SYNPR: variants seen among roughly 807,000 people sequenced by gnomAD.
SYNPR encodes synaptoporin.
A neutral mutation model predicts 32.9 loss-of-function variants in SYNPR; 23 were observed. That is an observed-to-expected ratio of 0.70 (90% CI 0.50 to 0.99). The LOEUF is 0.99. Ranked by LOEUF, SYNPR falls within the 50% of genes least tolerant of loss-of-function variation. SYNPR has a pLI of 0.00. For missense variants in SYNPR, 318 were observed against 349.3 expected (o/e 0.91, Z 0.71); for synonymous variants, 146 against 135.9 (o/e 1.07, Z -0.52).
chr3:63,455,432 A>G (rs549347586), intron 2 of SYNPR, among the ~76,000 whole-genome samples: 91 of 152,230 alleles, frequency 6.0e-4, no homozygotes, highest in Non-Finnish European at 8.1e-4. Context: ...GACATTTTAA[A>G]CTATCATAAT....
chr3:63,387,846 C>T (rs1045251056), intron 2 of SYNPR, among the ~76,000 whole-genome samples: 9 of 152,100 alleles, frequency 5.9e-5, no homozygotes, highest in Admixed American at 3.3e-4. Flanking sequence ...CTACTGAGAC[C>T]GACTGCTATG....
In SYNPR at chr3:63,510,131, A is replaced by T. The variant is rs1200664248; in HGVS notation, c.209+29175A>T. Among the ~76,000 whole-genome samples, 3 of 152,238 alleles carry T rather than the reference A, an allele frequency of 2.0e-5. No individual in the cohort carries two copies. In the East Asian group the frequency reaches 5.8e-4, roughly 29 times the overall value. ...AGGAACAAAAATAAATAAGGGGGGA[A>T]CAAAAATTACCTTAATTTGAAAGGA... is the stretch of plus-strand genomic sequence containing the variant. On this transcript the variant is annotated intron_variant, in intron 3 of 5. Coordinates refer to ENST00000478300, the MANE Select transcript of SYNPR (RefSeq NM_001130003.2).
At chr3:63,333,930 T>A (rs1458046046) in intron 2 of SYNPR, among the ~76,000 whole-genome samples, 2 of 152,226 alleles carry the variant, frequency 1.3e-5, no homozygotes, top group East Asian at 3.8e-4. Flanking sequence ...TAAGAGAGTT[T>A]CTAAACAAAC....
At chr3:63,202,110 T>A in the SYNPR span, among the ~76,000 whole-genome samples, 1 of 152,170 alleles carries the variant, frequency 6.6e-6, no homozygotes, top group Non-Finnish European at 1.5e-5. Flanking sequence ...CTGATCTCCT[T>A]CCAGCTGTGT....
At chr3:63,230,289 G>C (rs1477523507) in intron 1 of SYNPR, among the ~76,000 whole-genome samples, 1 of 152,116 alleles carries the variant, frequency 6.6e-6, no homozygotes, top group Non-Finnish European at 1.5e-5. Context: ...TTAGATATTT[G>C]CTATTTATTC....
At chr3:63,243,512 A>G (rs1413247096) in intron 1 of SYNPR, among the ~76,000 whole-genome samples, 2 of 152,082 alleles carry the variant, frequency 1.3e-5, no homozygotes, top group African/African-American at 4.8e-5. Context: ...GATATAGAAC[A>G]ATGGGAAAAA....
intron 2 of SYNPR, among the ~76,000 whole-genome samples, chr3:63,473,402 T>A (rs1487852259): frequency 6.6e-6 from 1 of 152,160 alleles, no homozygotes; most frequent in Non-Finnish European, 1.5e-5. Flanking sequence ...ATTGATTGAT[T>A]GATTGATTGT....
At position 63,284,029 on chromosome 3, in the gene SYNPR, C is replaced by T. The variant is rs187747073; in HGVS notation, c.84+5287C>T. On this transcript the variant is annotated intron_variant, in intron 2 of 5. Transcript: ENST00000478300. The stretch of plus-strand genomic sequence containing the variant: ...TTCACCGTGTTAGCCAGGATGGTCT[C>T]GATCTCCTGACCTCGTGATCTGCCG... Among the ~76,000 whole-genome samples the T allele has an allele frequency of 2.6e-3, 397 of 152,070 alleles. 1 individual carries two copies. Among genetic ancestry groups the T allele is most frequent in the African/African-American group, 8.8e-3 (366 of 41,496 alleles).
At chr3:63,453,524 G>A (rs1310563308) in intron 2 of SYNPR, among the ~76,000 whole-genome samples, 5 of 152,146 alleles carry the variant, frequency 3.3e-5, no homozygotes, top group Non-Finnish European at 5.9e-5. Context: ...GCTGTTAGAT[G>A]AGAATTGAGT....
At position 63,511,503 on chromosome 3, in the gene SYNPR, C is replaced by T. The variant is rs76571551; in HGVS notation, c.209+30547C>T. Reference sequence around the variant, plus strand: ...TACTTCTTTTCTTTTAACTTGGATCCCTATAATGCACGTATTTATAATCCA... The same window carrying T: ...TACTTCTTTTCTTTTAACTTGGATCTCTATAATGCACGTATTTATAATCCA... On this transcript the variant is annotated intron_variant, in intron 3 of 5. Transcript: ENST00000478300. Among the ~76,000 whole-genome samples the T allele has an allele frequency of 6.4e-3, 979 of 152,144 alleles. 7 individuals carry two copies. Among genetic ancestry groups the T allele is most frequent in the African/African-American group, 0.022 (921 of 41,512 alleles).
chr3:63,603,352 T>A (rs1256887496), intron 4 of SYNPR, among the ~76,000 whole-genome samples: 1 of 152,184 alleles, frequency 6.6e-6, no homozygotes, highest in Non-Finnish European at 1.5e-5. Context: ...TCTTGCCTGA[T>A]TGCTCCGGCT....
chr3:63,574,055 AAT>A (rs1486325355), intron 4 of SYNPR, among the ~76,000 whole-genome samples: 2 of 152,156 alleles, frequency 1.3e-5, no homozygotes, highest in Non-Finnish European at 2.9e-5. Flanking sequence ...GTGGCTTTAT[AAT>A]GACTATTTAA....
chr3:63,255,758 G>C (rs562170898), intron 2 of SYNPR, among the ~76,000 whole-genome samples: 1 of 152,280 alleles, frequency 6.6e-6, no homozygotes, highest in East Asian at 1.9e-4. Context: ...GTGAAGGACA[G>C]TGGGTGCAGT....
At chr3:63,494,420 T>TATATATATACAC (rs1491360692) in intron 3 of SYNPR, among the ~76,000 whole-genome samples, 3,120 of 47,864 alleles carry the variant, frequency 0.065, 155 homozygotes, top group African/African-American at 0.17. Context: ...TATATATACG[T>TATATATATACAC]ATATATATAT....
At chr3:63,419,925 T>C (rs2107129931) in intron 2 of SYNPR, among the ~76,000 whole-genome samples, 1 of 152,366 alleles carries the variant, frequency 6.6e-6, no homozygotes, top group South Asian at 2.1e-4. Context: ...ATTCCAGTTT[T>C]TTCACATTAT....
chr3:63,489,849 C>T (rs1355450361), intron 3 of SYNPR, among the ~76,000 whole-genome samples: 2 of 152,078 alleles, frequency 1.3e-5, no homozygotes, highest in Admixed American at 6.6e-5. Context: ...GAATGAACAT[C>T]GCTTAGAATG....
chr3:63,339,230 A>C (rs1461724931), intron 2 of SYNPR, among the ~76,000 whole-genome samples: 1 of 152,210 alleles, frequency 6.6e-6, no homozygotes, highest in East Asian at 1.9e-4. Context: ...AGCACCTACT[A>C]TGTCCCAGGC....
At chr3:63,456,565 C>A (rs2106644616) in intron 2 of SYNPR, among the ~76,000 whole-genome samples, 1 of 152,022 alleles carries the variant, frequency 6.6e-6, no homozygotes, top group East Asian at 1.9e-4. Flanking sequence ...AGGGGATCAC[C>A]CTCTCATTTT....
At chr3:63,613,152 AT>A (rs34217962) in intron 5 of SYNPR, among the ~76,000 whole-genome samples, 51,459 of 145,746 alleles carry the variant, frequency 0.35, 9,023 homozygotes, top group East Asian at 0.52. Flanking sequence ...TGCTCAGCTA[AT>A]TTTTTTTTTT....
Sources: gnomAD v4.1 joint callset for allele counts (sites outside exome capture counted in the v4.1 genomes callset) on GRCh38, gnomAD v4.1.1 for gene constraint, MANE v1.5 for transcripts, NCBI Gene and HGNC (gene_info 2026-07-23, HGNC 2026-07-21) for gene names.